Variants in PHF24 observed in about 807,000 individuals in gnomAD.
The protein encoded by PHF24 is PHD finger protein 24, also known as Galpha inhibitory interacting protein.
A neutral mutation model predicts 42.6 loss-of-function variants in PHF24; 25 were observed. The observed-to-expected ratio is 0.59, with a 90% CI of 0.43 to 0.82. PHF24 has a LOEUF of 0.82. Among genes scored for constraint, PHF24 ranks in the 40% least tolerant of loss-of-function variants. PHF24 has a pLI of 0.00. For missense variants in PHF24, 470 were observed against 538.1 expected, an observed-to-expected ratio of 0.87 and a Z score of 1.25; for synonymous variants, 185 against 204.8, an observed-to-expected ratio of 0.90 and a Z score of 0.83.
the PHF24 span, among the ~76,000 whole-genome samples, chr9:34,855,600 GC>G: frequency 3.9e-5 from 6 of 152,226 alleles, no homozygotes; most frequent in East Asian, 1.2e-3. Flanking sequence ...TTGAATATTG[GC>G]CCCCAATCTC....
At chr9:34,735,502 T>C in the PHF24 span, among the ~76,000 whole-genome samples, 1 of 151,486 alleles carries the variant, frequency 6.6e-6, no homozygotes, top group Non-Finnish European at 1.5e-5. Context: ...ATCACCGTAC[T>C]ATAAAGTGAC....
At chr9:34,690,423 C>CGT in the PHF24 span, 44 of 913,178 alleles carry the variant, frequency 4.8e-5, no homozygotes, top group East Asian at 5.6e-4. Context: ...ATTGAGGACA[C>CGT]CTGTGTGTGT....
chr9:34,832,897 C>T, the PHF24 span: 9 of 1,551,602 alleles, frequency 5.8e-6, no homozygotes, highest in East Asian at 2.0e-4. Context: ...GCAGGTCCTT[C>T]TCAGACTCTT....
the PHF24 span, among the ~76,000 whole-genome samples, chr9:34,673,199 T>C: frequency 6.6e-6 from 1 of 151,940 alleles, no homozygotes; most frequent in Non-Finnish European, 1.5e-5. Context: ...CTACTAAAAA[T>C]ACAAAAATTA....
At chr9:34,840,239 C>T in the PHF24 span, among the ~76,000 whole-genome samples, 5 of 152,038 alleles carry the variant, frequency 3.3e-5, no homozygotes, top group African/African-American at 1.2e-4. Context: ...CATACTGTCT[C>T]CTCATCCTTG....
At chr9:34,786,648 C>T in the PHF24 span, among the ~76,000 whole-genome samples, 2 of 152,276 alleles carry the variant, frequency 1.3e-5, no homozygotes, top group Non-Finnish European at 2.9e-5. Context: ...ATGAACATTT[C>T]CACATATAAA....
At chr9:34,919,346 A>G in the PHF24 span, among the ~76,000 whole-genome samples, 1 of 152,196 alleles carries the variant, frequency 6.6e-6, no homozygotes, top group Non-Finnish European at 1.5e-5. Context: ...GAAATACACA[A>G]AAAATTATTC....
chr9:34,918,422 A>G, the PHF24 span: 4 of 496,158 alleles, frequency 8.1e-6, no homozygotes, highest in South Asian at 1.0e-4. Flanking sequence ...AAAAAAAAAA[A>G]ATCATGGGGA....
chr9:34,848,799 T>C, the PHF24 span, among the ~76,000 whole-genome samples: 1 of 152,208 alleles, frequency 6.6e-6, no homozygotes, highest in Non-Finnish European at 1.5e-5. Flanking sequence ...TGGTATGTTA[T>C]GTCTTTGTTC....
the PHF24 span, among the ~76,000 whole-genome samples, chr9:34,825,246 G>T: frequency 6.6e-6 from 1 of 152,112 alleles, no homozygotes; most frequent in Non-Finnish European, 1.5e-5. Context: ...GGCCCTCAGG[G>T]TGATGGGTGT....
upstream of PHF24, among the ~76,000 whole-genome samples, chr9:34,952,683 A>C (rs1826292333): frequency 1.3e-5 from 2 of 152,254 alleles, no homozygotes; most frequent in Non-Finnish European, 2.9e-5. Context: ...TCAACACAGC[A>C]GAATAGAGAG....
At chr9:34,670,085 G>A in the PHF24 span, among the ~76,000 whole-genome samples, 1 of 152,194 alleles carries the variant, frequency 6.6e-6, no homozygotes, top group Non-Finnish European at 1.5e-5. Flanking sequence ...TGTCCCAGGA[G>A]GCTGATGCAC....
the PHF24 span, among the ~76,000 whole-genome samples, chr9:34,722,148 A>G: frequency 6.6e-6 from 1 of 152,178 alleles, no homozygotes; most frequent in Non-Finnish European, 1.5e-5. Context: ...TGTTGAGGAT[A>G]AACTGTTGGT....
At chr9:34,709,463 G>T in the PHF24 span, 1 of 1,613,314 alleles carries the variant, frequency 6.2e-7, no homozygotes, top group Admixed American at 1.7e-5. Context: ...GGGGCTGACT[G>T]AGGCTCCCCT....
chr9:34,856,030 ACT>A, the PHF24 span, among the ~76,000 whole-genome samples: 1 of 152,006 alleles, frequency 6.6e-6, no homozygotes, highest in Non-Finnish European at 1.5e-5. Flanking sequence ...TAGTCTTCAA[ACT>A]CTGAGATTCT....
At chr9:34,907,714 C>A in the PHF24 span, among the ~76,000 whole-genome samples, 1 of 152,160 alleles carries the variant, frequency 6.6e-6, no homozygotes, top group African/African-American at 2.4e-5. Flanking sequence ...AGTCTTTCAT[C>A]CAATTTAATC....
At chr9:34,906,612 C>G in the PHF24 span, among the ~76,000 whole-genome samples, 1 of 138,620 alleles carries the variant, frequency 7.2e-6, no homozygotes, top group Non-Finnish European at 1.5e-5. Flanking sequence ...CCACTGCACT[C>G]TAGCCTGGGC....
chr9:34,851,903 A>G, the PHF24 span, among the ~76,000 whole-genome samples: 3 of 152,174 alleles, frequency 2.0e-5, no homozygotes, highest in Non-Finnish European at 1.5e-5. Context: ...ACATACCACC[A>G]TTATAGTGTT....
At chr9:34,972,172 C>G (rs914819468) in intron 2 of PHF24, among the ~76,000 whole-genome samples, 174 bp from the exon 3 acceptor site, 1 of 152,192 alleles carries the variant, frequency 6.6e-6, no homozygotes, top group Non-Finnish European at 1.5e-5. Flanking sequence ...CTGGAAGGAC[C>G]TCCTGGTTCT....
Sources: gnomAD v4.1 joint callset for allele counts (sites outside exome capture counted in the v4.1 genomes callset) on GRCh38, gnomAD v4.1.1 for gene constraint, MANE v1.5 for transcripts, NCBI Gene and HGNC (gene_info 2026-07-23, HGNC 2026-07-21) for gene names.